Variants in TMTC1 observed in about 807,000 individuals in gnomAD.
TMTC1 encodes the protein transmembrane O-mannosyltransferase targeting cadherins 1, also known as protein O-mannosyl-transferase TMTC1.
A neutral mutation model predicts 104.8 loss-of-function variants in TMTC1; 73 were observed. That is an observed-to-expected ratio of 0.70 (90% CI 0.58 to 0.85). The LOEUF (loss-of-function observed/expected upper bound fraction) is 0.85, where lower values mean the gene tolerates loss of function less well. TMTC1 is among the 40% of genes least tolerant of loss of function. The pLI is 0.00. For missense variants in TMTC1, 1,035 were observed against 1,096.1 expected, an observed-to-expected ratio of 0.94 and a Z score of 0.79; for synonymous variants, 434 against 428.7, an observed-to-expected ratio of 1.01 and a Z score of -0.15.
intron 5 of TMTC1, among the ~76,000 whole-genome samples, chr12:29,675,194 T>C (rs1026486582): frequency 6.6e-6 from 1 of 152,202 alleles, no homozygotes; most frequent in African/African-American, 2.4e-5. Context: ...CATACAAGTC[T>C]TAACACCACA....
chr12:29,725,324 G>A (rs1273250365), intron 5 of TMTC1, among the ~76,000 whole-genome samples: 2 of 151,470 alleles, frequency 1.3e-5, no homozygotes, highest in Admixed American at 1.3e-4. Flanking sequence ...ACCACGCCTG[G>A]CCTGCCAAGA....
In TMTC1 at chr12:29,576,447, T is replaced by G. The variant is rs114217851; in HGVS notation, c.1419-4229A>C. On this transcript the variant is annotated intron_variant, in intron 8 of 17. Coordinates refer to ENST00000539277, the MANE Select transcript of TMTC1 (RefSeq NM_001193451.2). ...GTATATACACACAATGAAACATTAT[T>G]CAGCCTTAAAAAAGAGATACTGCCA... Among the ~76,000 whole-genome samples, 1,352 of 152,250 alleles carry G rather than the reference T, an allele frequency of 8.9e-3. 26 individuals are homozygous for G. The highest frequency in any genetic ancestry group is 0.031 in the African/African-American group (1,284 of 41,530).
At chr12:29,555,303 A>AT (rs1379167286) in intron 10 of TMTC1, among the ~76,000 whole-genome samples, 3 of 149,772 alleles carry the variant, frequency 2.0e-5, no homozygotes, top group East Asian at 2.0e-4. Flanking sequence ...AGGCCCGGTA[A>AT]TTTTTTTTTA....
At chr12:29,735,941 G>A (rs1381935119) in intron 5 of TMTC1, among the ~76,000 whole-genome samples, 1 of 152,190 alleles carries the variant, frequency 6.6e-6, no homozygotes, top group Non-Finnish European at 1.5e-5. Flanking sequence ...CTTCGGATTT[G>A]TAGAGTCTCC....
chr12:29,549,634 C>G (rs1433377400), intron 10 of TMTC1, among the ~76,000 whole-genome samples: 1 of 151,972 alleles, frequency 6.6e-6, no homozygotes, highest in East Asian at 1.9e-4. Flanking sequence ...GAGAGCAAAG[C>G]AAGCAGGAGT....
intron 5 of TMTC1, among the ~76,000 whole-genome samples, chr12:29,665,677 T>C (rs1940250058): frequency 6.6e-6 from 1 of 152,240 alleles, no homozygotes; most frequent in Non-Finnish European, 1.5e-5. Flanking sequence ...CTAGTCAGGT[T>C]CCTGAACCTT....
intron 7 of TMTC1, among the ~76,000 whole-genome samples, chr12:29,588,984 A>ATTGACTAT (rs1946212372): frequency 6.7e-6 from 1 of 150,212 alleles, no homozygotes; most frequent in African/African-American, 2.5e-5. Flanking sequence ...AAAAAAATTA[A>ATTGACTAT]GTTGAAAGCT....
At chr12:29,589,471 T>C (rs1946224570) in intron 7 of TMTC1, among the ~76,000 whole-genome samples, 1 of 152,228 alleles carries the variant, frequency 6.6e-6, no homozygotes, top group African/African-American at 2.4e-5. Context: ...CCATGTGCTG[T>C]CCTGCTGTAG....
intron 5 of TMTC1, among the ~76,000 whole-genome samples, chr12:29,689,003 T>C (rs191634066): frequency 5.7e-4 from 87 of 152,208 alleles, no homozygotes; most frequent in African/African-American, 2.0e-3. Flanking sequence ...AGAACCCTAT[T>C]TGCAGCCCTC....
chr12:29,673,744 C>CTTTTTT (rs146463669), intron 5 of TMTC1, among the ~76,000 whole-genome samples: 26 of 95,734 alleles, frequency 2.7e-4, no homozygotes, highest in East Asian at 7.1e-4. Context: ...AGAGGGACTT[C>CTTTTTT]TTTTTTTTTT....
rs899531708 is a variant in TMTC1 at position 29,645,888 on chromosome 12, C to T, written c.939-12552G>A. Among the ~76,000 whole-genome samples, 7 of 152,138 alleles carry T rather than the reference C, an allele frequency of 4.6e-5. 1 individual carries two copies. Among genetic ancestry groups the T allele is most frequent in the Admixed American group, 3.3e-4 (5 of 15,268 alleles). ...CTAGTTTACAAAGCATTTGTGTATA[C>T]GGATTATTTGACAGCAAATCCTCTA... is the stretch of plus-strand genomic sequence containing the variant. On this transcript the variant is annotated intron_variant, in intron 5 of 17. Coordinates refer to ENST00000539277, the MANE Select transcript of TMTC1 (RefSeq NM_001193451.2).
At chr12:29,728,723 G>T (rs1942468089) in intron 5 of TMTC1, among the ~76,000 whole-genome samples, 1 of 151,810 alleles carries the variant, frequency 6.6e-6, no homozygotes, top group Non-Finnish European at 1.5e-5. Context: ...CTCTGGCAAG[G>T]CGCAGTGGCT....
chr12:29,618,562 T>G (rs1947048876), intron 6 of TMTC1, among the ~76,000 whole-genome samples: 2 of 152,082 alleles, frequency 1.3e-5, no homozygotes, highest in Non-Finnish European at 1.5e-5. Context: ...TAGATTTTTT[T>G]TTTTTTGATG....
At chr12:29,536,786 C>CCAAAG (rs4032990) in intron 10 of TMTC1, among the ~76,000 whole-genome samples, 4 of 152,296 alleles carry the variant, frequency 2.6e-5, no homozygotes, top group African/African-American at 9.6e-5. Flanking sequence ...GGCCAAACTG[C>CCAAAG]TTAATCTTTG....
Position 29,783,882 on chromosome 12 carries a change from C to G in TMTC1, c.-131G>C. The G allele has an allele frequency of 1.1e-6, 1 of 894,290 alleles. No homozygotes were observed. The allele number at this position is 894,290 out of a possible 1,614,324, so 55.4% of individuals were successfully genotyped here. On this transcript the variant is annotated 5_prime_UTR_variant, in exon 1 of 18. Coordinates refer to ENST00000539277, the MANE Select transcript of TMTC1 (RefSeq NM_001193451.2). The surrounding 1 kb of genome is among the most constrained non-coding windows in gnomAD (Gnocchi z 4.7). ...ATGGTGCTGCGGCAGCTGGACCCGCCGCGAGCTCCCCGCGCTCCGCCGCCG... is the reference window on the plus strand; with the variant it reads ...ATGGTGCTGCGGCAGCTGGACCCGCGGCGAGCTCCCCGCGCTCCGCCGCCG...
intron 5 of TMTC1, among the ~76,000 whole-genome samples, chr12:29,733,901 C>T (rs181318847): frequency 1.3e-5 from 2 of 152,192 alleles, no homozygotes; most frequent in African/African-American, 2.4e-5. Context: ...TTTGACAATG[C>T]AAGGCCATTA....
At chr12:29,516,262 T>C in intron 15 of TMTC1, 87 bp downstream of exon 15, 1 of 1,486,752 alleles carries the variant, frequency 6.7e-7, no homozygotes, top group African/African-American at 1.4e-5. Flanking sequence ...TTCCCAGGCT[T>C]ATAAACACGC....
chr12:29,576,912 C>T (rs1945840123), intron 8 of TMTC1, among the ~76,000 whole-genome samples: 2 of 151,922 alleles, frequency 1.3e-5, no homozygotes, highest in Admixed American at 6.6e-5. Flanking sequence ...TAATTTTATA[C>T]AATTAAAAAA....
chr12:29,756,274 T>C (rs1943213693), intron 3 of TMTC1, among the ~76,000 whole-genome samples: 1 of 152,216 alleles, frequency 6.6e-6, no homozygotes, highest in Admixed American at 6.5e-5. Context: ...CAGGATAATA[T>C]GGGGCAAGTT....
Sources: gnomAD v4.1 joint callset for allele counts (sites outside exome capture counted in the v4.1 genomes callset) on GRCh38, gnomAD v4.1.1 for gene constraint, Gnocchi (gnomAD v3.1) non-coding constraint, MANE v1.5 for transcripts, NCBI Gene and HGNC (gene_info 2026-07-23, HGNC 2026-07-21) for gene names.